Variants in ORC4 observed in about 807,000 individuals in gnomAD.
ORC4 encodes the protein origin recognition complex subunit 4.
ORC4 carries 55 observed loss-of-function variants against 63.9 expected under a neutral mutation model. The observed-to-expected ratio is 0.86, with a 90% CI of 0.69 to 1.08. The LOEUF (loss-of-function observed/expected upper bound fraction) is 1.08, where lower values mean the gene tolerates loss of function less well. Among genes scored for constraint, ORC4 ranks in the 50% least tolerant of loss-of-function variants. The pLI, the probability that ORC4 is intolerant of heterozygous loss-of-function variation, is 0.00. For synonymous variants in ORC4, 150 were observed against 168.5 expected, an observed-to-expected ratio of 0.89 and a Z score of 0.85; for missense variants, 511 against 504.4, an observed-to-expected ratio of 1.01 and a Z score of -0.13.
At position 147,935,443 on chromosome 2, in the gene ORC4, G is replaced by T. The variant is rs868656412; in HGVS notation, c.*67C>A. On this transcript the variant is annotated 3_prime_UTR_variant, in exon 14 of 14. Transcript: ENST00000392857. ...AGAATGTTTAGCATATCATGTTAAT[G>T]GACAATAGTTTTCCGTTCTCTACAG... 10 of 1,166,120 alleles carry T rather than the reference G, an allele frequency of 8.6e-6. No individual in the cohort carries two copies. Among genetic ancestry groups the T allele is most frequent in the Non-Finnish European group, 1.2e-5 (9 of 775,186 alleles). 72.2% of individuals were successfully genotyped at this position (1,166,120 alleles called of 1,614,324 possible). A position where few individuals can be genotyped will look rare whatever the true frequency, so the allele number is the denominator to read the frequency against.
At chr2:147,957,265 A>C (rs1018562502) in intron 6 of ORC4, among the ~76,000 whole-genome samples, 1 of 147,708 alleles carries the variant, frequency 6.8e-6, no homozygotes, top group African/African-American at 2.4e-5. Context: ...AGAGTATATA[A>C]TTATATAATT....
chr2:147,955,377 G>C lies in ORC4; in HGVS notation c.406C>G (p.Leu136Val), dbSNP rs1205966325. 6.2e-6 allele frequency: 10 copies of C among 1,604,078 alleles called. No individual in the cohort carries two copies. The highest frequency in any genetic ancestry group is 1.3e-5 in the African/African-American group (1 of 74,590). Residue 136 changes from leucine to valine, a missense_variant, in exon 7 of 14, where the codon CTT (leucine) becomes GTT (valine). Coordinates refer to ENST00000392857, the MANE Select transcript of ORC4 (RefSeq NM_181741.4). ...DKVFGSFAENLSFLLEALKKG... is the reference protein window; with the variant it reads ...DKVFGSFAENVSFLLEALKKG... ...TTTAAAGCTTCCAGAAGAAATGAAA[G>C]GTTTTCAGCAAAGCTTCCCTGAACA...
chr2:147,972,918 CACAGAAATTTCCT>C, intron 3 of ORC4, 89 bp from the exon 4 acceptor site: 2 of 847,226 alleles, frequency 2.4e-6, no homozygotes, highest in Non-Finnish European at 3.9e-6. Flanking sequence ...TTTGAATATG[CACAGAAATTTCCT>C]CTCTTCTCTC....
At chr2:147,972,579 T>C (rs1690279376) in intron 4 of ORC4, among the ~76,000 whole-genome samples, 160 bp downstream of exon 4, 1 of 151,972 alleles carries the variant, frequency 6.6e-6, no homozygotes, top group East Asian at 1.9e-4. Context: ...ACATGTCTTC[T>C]GTGATTAAAA....
chr2:147,948,352 A>G (rs1029771092), intron 8 of ORC4, 128 bp from the exon 9 acceptor site: 1 of 615,994 alleles, frequency 1.6e-6, no homozygotes, highest in South Asian at 2.2e-5. Flanking sequence ...ACAATACATA[A>G]TTAAACATTT....
chr2:148,016,731 A>C (rs1004014796), intron 1 of ORC4, among the ~76,000 whole-genome samples: 17 of 152,222 alleles, frequency 1.1e-4, no homozygotes, highest in African/African-American at 4.1e-4. Context: ...GTCGGCAAAA[A>C]TGTGTTGATT....
chr2:147,991,504 T>C (rs1299045765), intron 1 of ORC4, among the ~76,000 whole-genome samples: 2 of 152,104 alleles, frequency 1.3e-5, no homozygotes, highest in African/African-American at 4.8e-5. Flanking sequence ...GTTAATACTA[T>C]GATATGTTCA....
intron 1 of ORC4, among the ~76,000 whole-genome samples, chr2:147,986,121 T>A (rs964569215): frequency 1.3e-5 from 2 of 152,234 alleles, no homozygotes; most frequent in Admixed American, 1.3e-4. Context: ...TTTAAGATCA[T>A]AAACTTTCTT....
chr2:147,954,573 T>C (rs1245288816), intron 7 of ORC4, among the ~76,000 whole-genome samples: 9 of 152,170 alleles, frequency 5.9e-5, no homozygotes, highest in Non-Finnish European at 1.0e-4. Context: ...CACTGTCACA[T>C]ATGTGGTCTA....
intron 8 of ORC4, among the ~76,000 whole-genome samples, chr2:147,948,751 T>G (rs1457029175): frequency 6.6e-6 from 1 of 151,418 alleles, no homozygotes; most frequent in African/African-American, 2.4e-5. Flanking sequence ...GGAATCAAAT[T>G]TACTGTCAAA....
intron 3 of ORC4, among the ~76,000 whole-genome samples, chr2:147,973,040 C>T (rs1458132833): frequency 6.6e-6 from 1 of 151,992 alleles, no homozygotes; most frequent in Non-Finnish European, 1.5e-5. Context: ...CAGGTGAAAA[C>T]GTAGTCAGAT....
At chr2:148,016,396 A>C (rs566853010) in intron 1 of ORC4, among the ~76,000 whole-genome samples, 32 of 152,340 alleles carry the variant, frequency 2.1e-4, no homozygotes, top group African/African-American at 7.7e-4. Flanking sequence ...AAGTATGCTC[A>C]GCAAATCAAT....
chr2:147,939,481 G>A (rs1688246276), intron 10 of ORC4, among the ~76,000 whole-genome samples: 1 of 152,072 alleles, frequency 6.6e-6, no homozygotes, highest in Admixed American at 6.6e-5. Context: ...ACCCATCCCA[G>A]TTGCATAACT....
chr2:147,972,249 T>C (rs1690256765), intron 4 of ORC4, among the ~76,000 whole-genome samples: 1 of 152,034 alleles, frequency 6.6e-6, no homozygotes, highest in Non-Finnish European at 1.5e-5. Flanking sequence ...AAAAACTGTG[T>C]AAGTTAGGGT....
chr2:147,977,708 T>C (rs1274029863), intron 1 of ORC4, among the ~76,000 whole-genome samples: 1 of 152,208 alleles, frequency 6.6e-6, no homozygotes, highest in Non-Finnish European at 1.5e-5. Context: ...ATCTGGTCCC[T>C]TGGCGGACTG....
chr2:147,945,449 T>C (rs1312891336), intron 9 of ORC4, among the ~76,000 whole-genome samples: 2 of 152,124 alleles, frequency 1.3e-5, no homozygotes, highest in Non-Finnish European at 2.9e-5. Flanking sequence ...ATTATATTTT[T>C]AATTCCATCT....
intron 1 of ORC4, among the ~76,000 whole-genome samples, chr2:147,991,345 CATA>C: frequency 6.6e-6 from 1 of 152,102 alleles, no homozygotes; most frequent in South Asian, 2.1e-4. Context: ...CACTGCACCC[CATA>C]CATATATATC....
At chr2:147,950,053 G>A (rs920089555) in intron 8 of ORC4, among the ~76,000 whole-genome samples, 17 of 152,138 alleles carry the variant, frequency 1.1e-4, no homozygotes, top group Non-Finnish European at 2.1e-4. Flanking sequence ...GAGGTAGGAG[G>A]TGGGAGGGTG....
intron 2 of ORC4, 146 bp downstream of exon 2, chr2:147,975,756 A>C: frequency 1.6e-6 from 1 of 623,960 alleles, no homozygotes; most frequent in South Asian, 1.9e-5. Flanking sequence ...GCATCTCGTT[A>C]AGGTCTCGTA....
Sources: allele counts gnomAD v4.1 joint callset (sites outside exome capture counted in the v4.1 genomes callset), GRCh38; gene constraint gnomAD v4.1.1; transcripts MANE v1.5; gene names NCBI Gene and HGNC (gene_info 2026-07-23, HGNC 2026-07-21).